ALK: variants seen among roughly 807,000 people sequenced by gnomAD.
ALK encodes the protein ALK receptor tyrosine kinase.
In ALK, 74 loss-of-function variants were observed where a neutral mutation model predicts 163.1. The observed-to-expected ratio is 0.45, with a 90% CI of 0.38 to 0.55. ALK has a LOEUF of 0.55. Among genes scored for constraint, ALK ranks in the 20% least tolerant of loss-of-function variants. The pLI, the probability that ALK is intolerant of heterozygous loss-of-function variation, is 0.00. For missense variants in ALK, 2,063 were observed against 2,105.3 expected (o/e 0.98, Z 0.39); for synonymous variants, 960 against 843.2 (o/e 1.14, Z -2.40).
intron 24 of ALK, among the ~76,000 whole-genome samples, chr2:29,210,784 G>T (rs931514394): frequency 2.0e-5 from 3 of 152,192 alleles, no homozygotes; most frequent in Admixed American, 6.5e-5. Flanking sequence ...CATGGCTGAA[G>T]AATCGCTTCT....
chr2:29,308,148 G>T (rs1054872800), intron 8 of ALK, among the ~76,000 whole-genome samples: 2 of 151,660 alleles, frequency 1.3e-5, no homozygotes, highest in Admixed American at 6.6e-5. Flanking sequence ...AATTTAGAGT[G>T]TGCAGCTGTT....
At chr2:29,733,973 C>T (rs898745208) in intron 1 of ALK, among the ~76,000 whole-genome samples, 2 of 152,110 alleles carry the variant, frequency 1.3e-5, no homozygotes, top group Non-Finnish European at 2.9e-5. Flanking sequence ...AGTAGATGGC[C>T]TGAACTTGGA....
At chr2:29,551,136 C>T (rs755304024) in intron 3 of ALK, among the ~76,000 whole-genome samples, 4 of 152,032 alleles carry the variant, frequency 2.6e-5, no homozygotes, top group Admixed American at 6.6e-5. Flanking sequence ...ATTCTTTTAC[C>T]CAATAATTTC....
In ALK at chr2:29,752,781, T is replaced by A. The variant is rs1312513575; in HGVS notation, c.668-35084A>T. On this transcript the variant is annotated intron_variant, in intron 1 of 28. Coordinates refer to ENST00000389048, the MANE Select transcript of ALK (RefSeq NM_004304.5). ...TGCAGAATAGCCCTGAAGGTTCTCC[T>A]TCCTGGAAGAAGGAGCAACAGTCTT... 3.3e-5 allele frequency among the ~76,000 whole-genome samples: 5 copies of A among 152,218 alleles called. No homozygotes were observed. The South Asian group carries it at 8.3e-4, about 25-fold the overall frequency.
chr2:29,412,242 T>C (rs1211830687), intron 4 of ALK, among the ~76,000 whole-genome samples: 1 of 152,178 alleles, frequency 6.6e-6, no homozygotes, highest in African/African-American at 2.4e-5. Context: ...TTGAAAGGTA[T>C]GTTACTCTCC....
At chr2:29,311,178 T>C (rs75743793) in intron 8 of ALK, among the ~76,000 whole-genome samples, 1 of 152,132 alleles carries the variant, frequency 6.6e-6, no homozygotes. Context: ...GGGTGACTCA[T>C]GGGGTAGATG....
intron 4 of ALK, among the ~76,000 whole-genome samples, chr2:29,527,379 C>T (rs1205536647): frequency 1.3e-5 from 2 of 152,150 alleles, no homozygotes; most frequent in Non-Finnish European, 2.9e-5. Context: ...GGGAGGGTGG[C>T]TGCAGATTTT....
At chr2:29,741,907 A>C (rs754982987) in intron 1 of ALK, among the ~76,000 whole-genome samples, 1 of 152,192 alleles carries the variant, frequency 6.6e-6, no homozygotes, top group Non-Finnish European at 1.5e-5. Flanking sequence ...CTGGGGAGAG[A>C]GAATTACTCA....
intron 3 of ALK, among the ~76,000 whole-genome samples, chr2:29,537,261 TCA>T (rs1301896750): frequency 3.3e-5 from 5 of 152,182 alleles, no homozygotes; most frequent in South Asian, 2.1e-4. Context: ...GCCCCTCTGA[TCA>T]CAGGCTCAGA....
intron 1 of ALK, among the ~76,000 whole-genome samples, chr2:29,755,555 TAGA>T (rs1680496891): frequency 6.6e-6 from 1 of 152,126 alleles, no homozygotes; most frequent in Non-Finnish European, 1.5e-5. Context: ...TTCCGCTGAG[TAGA>T]AGAAGGCTGG....
intron 9 of ALK, among the ~76,000 whole-genome samples, chr2:29,284,227 C>A (rs1250486790): frequency 6.6e-6 from 1 of 152,034 alleles, no homozygotes; most frequent in Non-Finnish European, 1.5e-5. Flanking sequence ...GCTGGAAACC[C>A]AGGTGTGGAA....
At chr2:29,465,350 A>G (rs1276931707) in intron 4 of ALK, among the ~76,000 whole-genome samples, 3 of 152,218 alleles carry the variant, frequency 2.0e-5, no homozygotes, top group African/African-American at 7.2e-5. Context: ...TTCAAAATGA[A>G]GAAAAATAGT....
chr2:29,327,847 GA>G (rs1266779746), intron 6 of ALK, among the ~76,000 whole-genome samples: 2 of 152,186 alleles, frequency 1.3e-5, no homozygotes, highest in Non-Finnish European at 2.9e-5. Flanking sequence ...CTTTCTGAAA[GA>G]ATCGACTCAG....
At chr2:29,547,062 A>G (rs1673575088) in intron 3 of ALK, among the ~76,000 whole-genome samples, 2 of 152,116 alleles carry the variant, frequency 1.3e-5, no homozygotes, top group African/African-American at 2.4e-5. Context: ...CATTTTTCGG[A>G]AGAGTCAATG....
chr2:29,374,884 A>C (rs1668717705), intron 5 of ALK, among the ~76,000 whole-genome samples: 2 of 152,222 alleles, frequency 1.3e-5, no homozygotes, highest in Non-Finnish European at 2.9e-5. Flanking sequence ...CACTAGAACT[A>C]AGTGAGGATA....
intron 1 of ALK, among the ~76,000 whole-genome samples, chr2:29,762,978 T>A (rs990169515): frequency 6.6e-6 from 1 of 151,018 alleles, no homozygotes; most frequent in Admixed American, 6.6e-5. Flanking sequence ...TCCTATCTAC[T>A]CAGGAGGCTG....
intron 28 of ALK, 111 bp from the exon 29 acceptor site, chr2:29,194,033 G>C: frequency 9.2e-7 from 1 of 1,087,954 alleles, no homozygotes; most frequent in East Asian, 2.5e-5. Context: ...GAGGAAACCA[G>C]GATTTATTGA....
At chr2:29,229,097 GATGCTGGCAAGGTTCAATTAGCC>G (rs2148180769) in intron 15 of ALK, 31 bp from the exon 16 acceptor site, 1 of 1,607,102 alleles carries the variant, frequency 6.2e-7, no homozygotes, top group Non-Finnish European at 8.5e-7. Context: ...CCTGCGTGAG[GATGCTGGCAAGGTTCAATTAGCC>G]ATGCTGGCCA....
intron 6 of ALK, among the ~76,000 whole-genome samples, chr2:29,326,105 G>C (rs1458704561): frequency 5.3e-5 from 8 of 152,174 alleles, no homozygotes; most frequent in Non-Finnish European, 1.2e-4. Flanking sequence ...GGGTGGAGGG[G>C]TTACTCTGAC....
Sources: allele counts gnomAD v4.1 joint callset (sites outside exome capture counted in the v4.1 genomes callset), GRCh38; gene constraint gnomAD v4.1.1; transcripts MANE v1.5; gene names NCBI Gene and HGNC (gene_info 2026-07-23, HGNC 2026-07-21).